The following ITGBL1 variants were observed in gnomAD, a reference collection of about 807,000 sequenced individuals.
The protein encoded by ITGBL1 is integrin subunit beta like 1.
Under a neutral mutation model 68.5 loss-of-function variants are expected in ITGBL1, and 51 were observed. That is an observed-to-expected ratio of 0.74 (90% confidence interval 0.59 to 0.94). The LOEUF is 0.94. Among genes scored for constraint, ITGBL1 ranks in the 40% least tolerant of loss-of-function variants. The pLI is 0.00. For missense variants in ITGBL1, 649 were observed against 647.4 expected (o/e 1.00, Z -0.03); for synonymous variants, 209 against 227.3 (o/e 0.92, Z 0.72).
intron 7 of ITGBL1, among the ~76,000 whole-genome samples, chr13:101,660,314 A>C (rs570064569): frequency 6.6e-6 from 1 of 152,102 alleles, no homozygotes; most frequent in East Asian, 1.9e-4. Flanking sequence ...AGATGAAATC[A>C]TAGGGAGTTG....
chr13:101,585,724 C>G (rs1308388949), intron 6 of ITGBL1, among the ~76,000 whole-genome samples: 1 of 152,148 alleles, frequency 6.6e-6, no homozygotes, highest in African/African-American at 2.4e-5. Flanking sequence ...GCCACCTCCC[C>G]CGGCGGCAAT....
At chr13:101,543,952 G>T (rs189121227) in intron 2 of ITGBL1, among the ~76,000 whole-genome samples, 1 of 152,068 alleles carries the variant, frequency 6.6e-6, no homozygotes, top group African/African-American at 2.4e-5. Context: ...TTAGCCATTC[G>T]TCTAATTTTT....
intron 7 of ITGBL1, among the ~76,000 whole-genome samples, chr13:101,622,648 T>C (rs1341021998): frequency 6.6e-6 from 1 of 152,190 alleles, no homozygotes; most frequent in Non-Finnish European, 1.5e-5. Context: ...GAATAATGAT[T>C]GACTGTGAAA....
chr13:101,716,291 A>G lies in ITGBL1; in HGVS notation c.*637A>G, dbSNP rs1325907217. 3 of 152,202 alleles carry G rather than the reference A, an allele frequency of 2.0e-5. No homozygotes were observed. Among genetic ancestry groups the G allele is most frequent in the Non-Finnish European group, 2.9e-5 (2 of 68,032 alleles). 9.4% of individuals were successfully genotyped at this position (152,202 alleles called of 1,614,324 possible). A position where few individuals can be genotyped will look rare whatever the true frequency, so the allele number is the denominator to read the frequency against. On this transcript the variant is annotated 3_prime_UTR_variant, in exon 11 of 11. Transcript: ENST00000376180. ...ATCAGAGTGGGGCTGGATCAAGGGC[A>G]AAAACTGGTCATTAAGTCATCTGAC...
Position 101,594,481 on chromosome 13 carries a change from C to A in ITGBL1, c.869-3672C>A, listed in dbSNP as rs372275874. ...TAAAACCTGAAATTTTAAAACTACT[C>A]GAAGAAACGTAGGAGAAAAGCTCCA... On this transcript the variant is annotated intron_variant, in intron 6 of 10. Transcript: ENST00000376180. 8.6e-5 allele frequency among the ~76,000 whole-genome samples: 13 copies of A among 151,920 alleles called. No individual in the cohort carries two copies. The East Asian group carries it at 1.5e-3, about 18-fold the overall frequency.
chr13:101,600,430 C>T (rs547095323), intron 7 of ITGBL1, among the ~76,000 whole-genome samples: 2 of 152,176 alleles, frequency 1.3e-5, no homozygotes, highest in South Asian at 2.1e-4. Flanking sequence ...GCCGTTTATT[C>T]CCTTCTCCTG....
chr13:101,629,829 CATTT>C (rs943135517), intron 7 of ITGBL1, among the ~76,000 whole-genome samples: 1 of 151,762 alleles, frequency 6.6e-6, no homozygotes, highest in African/African-American at 2.4e-5. Context: ...TTTATTTATT[CATTT>C]ATTTTTTGAA....
chr13:101,550,821 A>G (rs1206355846), intron 2 of ITGBL1, among the ~76,000 whole-genome samples: 1 of 152,142 alleles, frequency 6.6e-6, no homozygotes, highest in African/African-American at 2.4e-5. Context: ...ATTTTCTCTG[A>G]TGTTTCTCAT....
chr13:101,561,151 A>G (rs1217408754), intron 2 of ITGBL1, among the ~76,000 whole-genome samples: 1 of 152,144 alleles, frequency 6.6e-6, no homozygotes, highest in East Asian at 1.9e-4. Flanking sequence ...GGTAGCGGCC[A>G]AGTATGCCCT....
At chr13:101,589,136 A>G (rs1179252497) in intron 6 of ITGBL1, among the ~76,000 whole-genome samples, 1 of 152,214 alleles carries the variant, frequency 6.6e-6, no homozygotes, top group Non-Finnish European at 1.5e-5. Flanking sequence ...CTGAAAAAGC[A>G]AAAGTTATGT....
chr13:101,454,958 T>C (rs944104217), intron 2 of ITGBL1, among the ~76,000 whole-genome samples: 2 of 152,204 alleles, frequency 1.3e-5, no homozygotes, highest in Non-Finnish European at 2.9e-5. Flanking sequence ...GGTTCTGATA[T>C]TGGAAAGGGT....
At chr13:101,496,713 C>T (rs1421575072) in intron 2 of ITGBL1, among the ~76,000 whole-genome samples, 2 of 152,190 alleles carry the variant, frequency 1.3e-5, no homozygotes, top group African/African-American at 4.8e-5. Flanking sequence ...CACAAATCCA[C>T]ACATATATTA....
chr13:101,673,418 A>G (rs1472762236), intron 7 of ITGBL1, among the ~76,000 whole-genome samples: 2 of 152,198 alleles, frequency 1.3e-5, no homozygotes, highest in Non-Finnish European at 2.9e-5. Flanking sequence ...ATACGAAATG[A>G]TAGAATTGCT....
chr13:101,453,495 A>T (rs1008549756), intron 1 of ITGBL1, among the ~76,000 whole-genome samples: 4 of 152,218 alleles, frequency 2.6e-5, no homozygotes, highest in African/African-American at 4.8e-5. Flanking sequence ...GACGTTTTTT[A>T]AAGGAGAACT....
chr13:101,558,531 G>T (rs945693142), intron 2 of ITGBL1, among the ~76,000 whole-genome samples: 5 of 152,180 alleles, frequency 3.3e-5, no homozygotes, highest in Non-Finnish European at 5.9e-5. Context: ...AAAGAGAACG[G>T]AGAATGTCTG....
chr13:101,592,281 G>A (rs2050668146), intron 6 of ITGBL1, among the ~76,000 whole-genome samples: 1 of 152,008 alleles, frequency 6.6e-6, no homozygotes, highest in South Asian at 2.1e-4. Flanking sequence ...TTTACTCTAA[G>A]GGTCTCCAGG....
At chr13:101,528,288 C>T (rs2049414295) in intron 2 of ITGBL1, among the ~76,000 whole-genome samples, 1 of 146,786 alleles carries the variant, frequency 6.8e-6, no homozygotes, top group South Asian at 2.2e-4. Context: ...TGTCTTATTG[C>T]CTTTATAATA....
At chr13:101,556,106 A>G (rs2050001101) in intron 2 of ITGBL1, among the ~76,000 whole-genome samples, 1 of 152,160 alleles carries the variant, frequency 6.6e-6, no homozygotes, top group East Asian at 1.9e-4. Context: ...TACATTTAAC[A>G]GCTCTATGGG....
At chr13:101,468,586 A>AT (rs1460981742) in intron 2 of ITGBL1, among the ~76,000 whole-genome samples, 1 of 152,220 alleles carries the variant, frequency 6.6e-6, no homozygotes, top group Non-Finnish European at 1.5e-5. Flanking sequence ...TGTAGGGATA[A>AT]TTTCTTCATG....
Sources: allele counts gnomAD v4.1 joint callset (sites outside exome capture counted in the v4.1 genomes callset), GRCh38; gene constraint gnomAD v4.1.1; transcripts MANE v1.5; gene names NCBI Gene and HGNC (gene_info 2026-07-23, HGNC 2026-07-21).